The following HMCN1 variants were observed in gnomAD, a reference collection of about 807,000 sequenced individuals.
HMCN1 encodes hemicentin 1.
A neutral mutation model predicts 625.9 loss-of-function variants in HMCN1; 321 were observed. The observed-to-expected ratio is 0.51, with a 90% CI of 0.47 to 0.56. The LOEUF is 0.56. Among genes scored for constraint, HMCN1 ranks in the 20% least tolerant of loss-of-function variants. HMCN1 has a pLI of 0.00. For missense variants in HMCN1, 6,588 were observed against 6,887.3 expected (o/e 0.96, Z 1.54); for synonymous variants, 2,425 against 2,417.6 (o/e 1.00, Z -0.09).
chr1:186,078,062 C>A, intron 54 of HMCN1, 45 bp from the exon 55 acceptor site: 1 of 1,370,166 alleles, frequency 7.3e-7, no homozygotes, highest in Non-Finnish European at 1.0e-6. Context: ...GGCTTGTGTT[C>A]ACTCTAAGAT....
At chr1:185,749,817 T>C (rs1392326737) in intron 1 of HMCN1, among the ~76,000 whole-genome samples, 1 of 152,228 alleles carries the variant, frequency 6.6e-6, no homozygotes, top group Non-Finnish European at 1.5e-5. Context: ...CTTTCTGATG[T>C]CCTTATTCAC....
intron 91 of HMCN1, among the ~76,000 whole-genome samples, chr1:186,144,985 T>A (rs1270283979): frequency 6.6e-6 from 1 of 152,240 alleles, no homozygotes; most frequent in African/African-American, 2.4e-5. Flanking sequence ...TTACAGTTCT[T>A]TTATGAAGGC....
chr1:186,094,923 A>G (rs1247562242), intron 67 of HMCN1, among the ~76,000 whole-genome samples: 1 of 152,176 alleles, frequency 6.6e-6, no homozygotes, highest in East Asian at 1.9e-4. Flanking sequence ...TAGTTAAAAG[A>G]ATACTACTAA....
chr1:186,028,752 T>C (rs1655224983), intron 36 of HMCN1, among the ~76,000 whole-genome samples: 1 of 143,772 alleles, frequency 7.0e-6, no homozygotes, highest in South Asian at 2.2e-4. Context: ...TGAGACGGAG[T>C]CTCGCACTGT....
intron 2 of HMCN1, among the ~76,000 whole-genome samples, chr1:185,857,737 A>T (rs1662561039): frequency 6.6e-6 from 1 of 152,152 alleles, no homozygotes. Context: ...ATATGTCAAG[A>T]TTGCTTTGCA....
chr1:185,799,333 C>A (rs929491451), intron 1 of HMCN1, among the ~76,000 whole-genome samples: 22 of 152,170 alleles, frequency 1.4e-4, no homozygotes, highest in African/African-American at 5.3e-4. Flanking sequence ...AACCTCCAGG[C>A]CAGTAGAGGA....
intron 1 of HMCN1, among the ~76,000 whole-genome samples, chr1:185,840,351 G>A (rs1661403695): frequency 6.6e-6 from 1 of 152,040 alleles, no homozygotes. Context: ...TGCATATAAA[G>A]GACATTATAA....
chr1:185,991,927 C>T (rs965144890), intron 22 of HMCN1, among the ~76,000 whole-genome samples: 3 of 152,160 alleles, frequency 2.0e-5, no homozygotes, highest in African/African-American at 7.2e-5. Context: ...TTTCCATGTT[C>T]TAATTAGTGC....
chr1:185,869,326 C>T (rs1048506433), intron 4 of HMCN1, among the ~76,000 whole-genome samples: 1 of 152,058 alleles, frequency 6.6e-6, no homozygotes, highest in Non-Finnish European at 1.5e-5. Context: ...ATAGAATTAT[C>T]CTTTTCAGAA....
At chr1:186,048,567 CTTG>C (rs894098484) in intron 41 of HMCN1, among the ~76,000 whole-genome samples, 173 bp from the exon 42 acceptor site, 2 of 152,002 alleles carry the variant, frequency 1.3e-5, no homozygotes, top group African/African-American at 2.4e-5. Flanking sequence ...ATGGTTGAAT[CTTG>C]TTGTGTTGAA....
chr1:185,916,413 C>T (rs1027657283), intron 6 of HMCN1, among the ~76,000 whole-genome samples: 16 of 152,140 alleles, frequency 1.1e-4, no homozygotes, highest in African/African-American at 3.6e-4. Context: ...ATAGTGGCTA[C>T]CCAATATTGT....
intron 2 of HMCN1, among the ~76,000 whole-genome samples, chr1:185,858,116 C>T (rs1662586886): frequency 6.6e-6 from 1 of 152,062 alleles, no homozygotes; most frequent in African/African-American, 2.4e-5. Context: ...GAAGTTAGTA[C>T]TCCGTCAATA....
intron 70 of HMCN1, among the ~76,000 whole-genome samples, chr1:186,107,187 G>A (rs542933468): frequency 6.6e-6 from 1 of 152,210 alleles, no homozygotes; most frequent in East Asian, 1.9e-4. Flanking sequence ...CTGGGTTCAC[G>A]CCATTCTCCT....
At chr1:185,890,133 A>G (rs1044415865) in intron 4 of HMCN1, among the ~76,000 whole-genome samples, 9 of 151,534 alleles carry the variant, frequency 5.9e-5, no homozygotes, top group African/African-American at 2.2e-4. Context: ...GGTAGTTTGT[A>G]TTTCTGTGGG....
chr1:186,086,230 A>G lies in HMCN1; in HGVS notation c.8885-16A>G, dbSNP rs758076048. ...GATAACACCTGCTTTCACTTTTAAT[A>G]TATTTACTATTATAGTTCCTCCAAG... On this transcript the variant is annotated splice_polypyrimidine_tract_variant and intron_variant, in intron 57 of 106. Coordinates refer to ENST00000271588, the MANE Select transcript of HMCN1 (RefSeq NM_031935.3). The G allele has an allele frequency of 1.1e-5, 18 of 1,600,234 alleles. No individual in the cohort carries two copies. Among genetic ancestry groups the G allele is most frequent in the South Asian group, 7.7e-5 (7 of 90,768 alleles).
In HMCN1 at chr1:186,137,529, G is replaced by A; in HGVS notation, c.13614G>A (p.Trp4538Ter). The change falls in exon 88 of 107, where the codon TGG (tryptophan) becomes TGA (stop). Residue 4538 changes from tryptophan to a stop codon, truncating the protein, a stop_gained. Coordinates refer to ENST00000271588, the MANE Select transcript of HMCN1 (RefSeq NM_031935.3). LOFTEE classifies it high-confidence loss of function. ...GTGGATTTTCCCAGTGGTCTGCATG[G>A]AGAGCCTGCAGTGTCACCTGTGGAA... ...VHGGFSQWSA[W>*]RACSVTCGKG... The A allele has an allele frequency of 6.2e-7, 1 of 1,613,708 alleles. No homozygotes were observed. Among genetic ancestry groups the A allele is most frequent in the Non-Finnish European group, 8.5e-7 (1 of 1,179,878 alleles).
At chr1:186,039,434 G>T (rs893301446) in intron 38 of HMCN1, among the ~76,000 whole-genome samples, 2 of 150,512 alleles carry the variant, frequency 1.3e-5, no homozygotes, top group East Asian at 3.9e-4. Flanking sequence ...ACACACACAC[G>T]CCTAGAAATC....
chr1:185,775,421 G>T (rs1297524268), intron 1 of HMCN1, among the ~76,000 whole-genome samples: 2 of 151,702 alleles, frequency 1.3e-5, no homozygotes, highest in African/African-American at 2.4e-5. Flanking sequence ...CTTAAAAAAA[G>T]AAAAAAATGG....
chr1:186,126,256 T>C (rs952935343), intron 82 of HMCN1, among the ~76,000 whole-genome samples: 1 of 151,912 alleles, frequency 6.6e-6, no homozygotes, highest in Non-Finnish European at 1.5e-5. Context: ...TAAATATTCA[T>C]ATATATTCAT....
Sources: gnomAD v4.1 joint callset for allele counts (sites outside exome capture counted in the v4.1 genomes callset) on GRCh38, gnomAD v4.1.1 for gene constraint, MANE v1.5 for transcripts, NCBI Gene and HGNC (gene_info 2026-07-23, HGNC 2026-07-21) for gene names.